Variants in SCCPDH observed in about 807,000 individuals in gnomAD.
SCCPDH encodes the protein saccharopine dehydrogenase-like oxidoreductase.
In SCCPDH, 34 loss-of-function variants were observed where a neutral mutation model predicts 51.5. The ratio of observed to expected loss-of-function variants is 0.66; its 90% CI spans 0.50 to 0.88. The LOEUF (loss-of-function observed/expected upper bound fraction) is 0.88, where lower values mean the gene tolerates loss of function less well. SCCPDH is among the 40% of genes least tolerant of loss of function. SCCPDH has a pLI of 0.00. For missense variants in SCCPDH, 464 were observed against 527.1 expected (o/e 0.88, Z 1.17); for synonymous variants, 187 against 191.3 (o/e 0.98, Z 0.19).
intron 3 of SCCPDH, among the ~76,000 whole-genome samples, chr1:246,738,337 C>G (rs564797678): frequency 6.6e-6 from 1 of 151,636 alleles, no homozygotes; most frequent in East Asian, 2.0e-4. Context: ...ATGGTGAAAC[C>G]CCATCTCTAT....
At chr1:246,728,264 G>T (rs745462055) in intron 2 of SCCPDH, among the ~76,000 whole-genome samples, 1 of 152,140 alleles carries the variant, frequency 6.6e-6, no homozygotes, top group Non-Finnish European at 1.5e-5. Context: ...AGAGCAAAAG[G>T]GTTTTTGAAT....
chr1:246,739,167 G>A (rs1475011033), intron 3 of SCCPDH, among the ~76,000 whole-genome samples: 1 of 152,148 alleles, frequency 6.6e-6, no homozygotes, highest in Non-Finnish European at 1.5e-5. Context: ...CCTTCTGGGA[G>A]AGGGAGCATA....
In SCCPDH at chr1:246,740,178, G is replaced by A; in HGVS notation, c.391G>A (p.Glu131Lys). 1.3e-6 allele frequency: 2 copies of A among 1,577,512 alleles called. No individual in the cohort carries two copies. The highest frequency in any genetic ancestry group is 1.7e-6 in the Non-Finnish European group (2 of 1,156,256). ...IDISGEPQFL[E>K]LMQLKYHEKA... ...CTTATCCTGGATTTTTTAGTTTCTG[G>A]AACTAATGCAACTGAAGTATCATGA... The change falls in exon 4 of 12, where the codon GAA becomes AAA. Residue 131 changes from glutamate to lysine, a missense_variant. Transcript: ENST00000366510.
At position 246,744,861 on chromosome 1, in the gene SCCPDH, A is replaced by G. The variant is rs181035191; in HGVS notation, c.564+736A>G. ...GGCTGGTCTCGAATTCCTGGCCTCA[A>G]GTGATCTGCCCACCTTGGCCTCCCA... On this transcript the variant is annotated intron_variant, in intron 5 of 11. Coordinates refer to ENST00000366510, the MANE Select transcript of SCCPDH (RefSeq NM_016002.3). 2.8e-4 allele frequency among the ~76,000 whole-genome samples: 42 copies of G among 151,220 alleles called. 1 individual carries two copies. In the East Asian group the frequency reaches 7.0e-3, roughly 25 times the overall value.
chr1:246,742,121 T>G (rs993988538), intron 4 of SCCPDH, among the ~76,000 whole-genome samples: 2 of 152,188 alleles, frequency 1.3e-5, no homozygotes, highest in African/African-American at 4.8e-5. Flanking sequence ...AGTAGCTGTA[T>G]CATACTTAAT....
At chr1:246,747,426 C>A (rs1050174053) in intron 5 of SCCPDH, among the ~76,000 whole-genome samples, 4 of 152,180 alleles carry the variant, frequency 2.6e-5, no homozygotes, top group Non-Finnish European at 5.9e-5. Context: ...TGGCTCATGC[C>A]TATAATCCCA....
At chr1:246,754,034 C>T (rs1225780445) in intron 5 of SCCPDH, among the ~76,000 whole-genome samples, 1 of 151,910 alleles carries the variant, frequency 6.6e-6, no homozygotes, top group African/African-American at 2.4e-5. Flanking sequence ...TGGGGTATTT[C>T]CCATATTGGG....
intron 7 of SCCPDH, 32 bp downstream of exon 7, chr1:246,759,183 T>G (rs1358160134): frequency 1.7e-6 from 2 of 1,147,846 alleles, no homozygotes; most frequent in South Asian, 2.5e-5. Flanking sequence ...ATCAATAAAG[T>G]GTGTGTTACA....
intron 10 of SCCPDH, among the ~76,000 whole-genome samples, chr1:246,765,206 G>A (rs1036510851): frequency 6.4e-5 from 9 of 141,340 alleles, no homozygotes; most frequent in African/African-American, 2.0e-4. Context: ...TATAATTACT[G>A]TCAGAGACAG....
intron 4 of SCCPDH, among the ~76,000 whole-genome samples, chr1:246,743,581 CAAA>C (rs530930261): frequency 2.2e-5 from 3 of 135,820 alleles, no homozygotes; most frequent in African/African-American, 8.1e-5. Flanking sequence ...GACTCTGTCT[CAAA>C]AAAAAAAAAG....
chr1:246,759,507 G>A (rs766349429), intron 7 of SCCPDH, among the ~76,000 whole-genome samples: 1 of 152,148 alleles, frequency 6.6e-6, no homozygotes, highest in Non-Finnish European at 1.5e-5. Flanking sequence ...TCCTTGCCAC[G>A]CCTGGAGTTC....
chr1:246,761,572 C>G lies in SCCPDH; in HGVS notation c.990+1345C>G, dbSNP rs756432752. The stretch of plus-strand genomic sequence containing the variant: ...ATAACTCCTCATTTCCGCCCTCCCC[C>G]AGCCCCGGCAACCGCATTCCGCTTT... On this transcript the variant is annotated intron_variant, in intron 9 of 11. Transcript: ENST00000366510. 1.4e-3 allele frequency among the ~76,000 whole-genome samples: 215 copies of G among 152,292 alleles called. 3 individuals carry two copies. The highest frequency in any genetic ancestry group is 5.9e-4 in the Non-Finnish European group (40 of 68,002).
At chr1:246,753,666 A>G (rs958023743) in intron 5 of SCCPDH, among the ~76,000 whole-genome samples, 5 of 152,054 alleles carry the variant, frequency 3.3e-5, no homozygotes, top group Non-Finnish European at 5.9e-5. Context: ...CGTTTTGGCC[A>G]GAAGGGTGTT....
At chr1:246,725,702 A>G (rs1461396956) in intron 1 of SCCPDH, among the ~76,000 whole-genome samples, 1 of 152,168 alleles carries the variant, frequency 6.6e-6, no homozygotes, top group African/African-American at 2.4e-5. Flanking sequence ...TTATTTTTCC[A>G]ACAGAAGTAA....
At chr1:246,755,366 A>G (rs1668914650) in intron 5 of SCCPDH, 1 of 152,280 alleles carries the variant, frequency 6.6e-6, no homozygotes, top group Non-Finnish European at 1.5e-5. Context: ...TTGAAAGAGA[A>G]TAAGGCAGAA....
chr1:246,752,511 C>T (rs756182229), intron 5 of SCCPDH, among the ~76,000 whole-genome samples: 10 of 152,160 alleles, frequency 6.6e-5, no homozygotes, highest in Admixed American at 1.3e-4. Context: ...TTAAGCAGCC[C>T]GTCACAGAGA....
At chr1:246,766,194 G>A (rs1553274912) in intron 11 of SCCPDH, 55 bp downstream of exon 11, 7 of 1,253,668 alleles carry the variant, frequency 5.6e-6, no homozygotes, top group Non-Finnish European at 8.0e-6. Context: ...TTATATTTTA[G>A]CTTATTTTGA....
intron 1 of SCCPDH, among the ~76,000 whole-genome samples, chr1:246,726,662 A>T (rs770605981): frequency 7.0e-4 from 106 of 152,244 alleles, no homozygotes; most frequent in Non-Finnish European, 1.4e-3. Flanking sequence ...GATTTTTTTT[A>T]AAAGGTCAGT....
rs1269577259 is a variant in SCCPDH at position 246,740,283 on chromosome 1, A to G, written c.496A>G (p.Thr166Ala). The change falls in exon 4 of 12, where the codon ACC (threonine) becomes GCC (alanine). Residue 166 changes from threonine to alanine, a missense_variant. Coordinates refer to ENST00000366510, the MANE Select transcript of SCCPDH (RefSeq NM_016002.3). Reference sequence around the variant, plus strand: ...TCCAGCAGATCTGGGAGTAATATATACCAGAAATAAAATGAATGGTAATTA... The same window carrying G: ...TCCAGCAGATCTGGGAGTAATATATGCCAGAAATAAAATGAATGGTAATTA... ...SIPADLGVIYTRNKMNGTLTA... is the reference protein window; with the variant it reads ...SIPADLGVIYARNKMNGTLTA... 6.3e-7 allele frequency: 1 copy of G among 1,597,740 alleles called. No homozygotes were observed. Among genetic ancestry groups the G allele is most frequent in the Non-Finnish European group, 8.6e-7 (1 of 1,168,962 alleles).
Sources: gnomAD v4.1 joint callset for allele counts (sites outside exome capture counted in the v4.1 genomes callset) on GRCh38, gnomAD v4.1.1 for gene constraint, MANE v1.5 for transcripts, NCBI Gene and HGNC (gene_info 2026-07-23, HGNC 2026-07-21) for gene names.